SSBP2: variants seen among roughly 807,000 people sequenced by gnomAD.
SSBP2 encodes single stranded DNA binding protein 2.
SSBP2 carries 17 observed loss-of-function variants against 61.8 expected under a neutral mutation model. The observed-to-expected ratio is 0.28, with a 90% CI of 0.19 to 0.41. The LOEUF is 0.41. Among genes scored for constraint, SSBP2 ranks in the 10% least tolerant of loss-of-function variants. The probability of loss-of-function intolerance (pLI) is 1.00; values close to 1 mark genes in which losing one functional copy is unlikely to be tolerated. For synonymous variants in SSBP2, 139 were observed against 141.3 expected, an observed-to-expected ratio of 0.98 and a Z score of 0.12; for missense variants, 310 against 458.7, an observed-to-expected ratio of 0.68 and a Z score of 2.96.
intron 1 of SSBP2, among the ~76,000 whole-genome samples, chr5:81,742,970 G>A (rs1362684145): frequency 6.6e-6 from 1 of 152,104 alleles, no homozygotes; most frequent in East Asian, 1.9e-4. Context: ...AATCTAGAAG[G>A]TTTAGGAGAA....
At chr5:81,560,770 CATT>C (rs1437499221) in intron 4 of SSBP2, among the ~76,000 whole-genome samples, 1 of 152,054 alleles carries the variant, frequency 6.6e-6, no homozygotes, top group Admixed American at 6.5e-5. Context: ...TGACAATAAA[CATT>C]GTATATATTT....
intron 9 of SSBP2, among the ~76,000 whole-genome samples, chr5:81,462,575 T>C (rs1429007428): frequency 1.3e-5 from 2 of 152,120 alleles, no homozygotes; most frequent in Admixed American, 6.5e-5. Context: ...TCTTTGGAAA[T>C]TGTTGCCTCT....
In SSBP2 at chr5:81,422,292, T is replaced by C. The variant is rs867129437; in HGVS notation, c.1057-1759A>G. The stretch of plus-strand genomic sequence containing the variant: ...CGGCTGCAGAAATCAGAAAGACATA[T>C]AGGTGTGTACTGATGTATGGATGGA... On this transcript the variant is annotated intron_variant, in intron 16 of 16. Coordinates refer to ENST00000320672, the MANE Select transcript of SSBP2 (RefSeq NM_012446.5). Among the ~76,000 whole-genome samples, 4 of 152,068 alleles carry C rather than the reference T, an allele frequency of 2.6e-5. No individual in the cohort carries two copies. In the South Asian group the frequency reaches 8.3e-4, roughly 32 times the overall value.
intron 4 of SSBP2, among the ~76,000 whole-genome samples, chr5:81,559,724 C>T (rs1441519280): frequency 6.6e-6 from 1 of 151,872 alleles, no homozygotes; most frequent in East Asian, 1.9e-4. Flanking sequence ...CATATGACTA[C>T]AGTAATAATT....
Position 81,440,271 on chromosome 5 carries a change from C to T in SSBP2, c.928+287G>A, listed in dbSNP as rs114871342. On this transcript the variant is annotated intron_variant, in intron 14 of 16. Coordinates refer to ENST00000320672, the MANE Select transcript of SSBP2 (RefSeq NM_012446.5). ...CCTTCTGGGTTGGGCAAGCATGACA[C>T]GTGCCCACAGCAGCAATGTCTCCTT... Among the ~76,000 whole-genome samples the T allele has an allele frequency of 5.2e-3, 790 of 152,232 alleles. 2 individuals are homozygous for T. Among genetic ancestry groups the T allele is most frequent in the African/African-American group, 0.018 (733 of 41,536 alleles).
chr5:81,503,250 C>G (rs1767929593), intron 5 of SSBP2, among the ~76,000 whole-genome samples: 1 of 152,060 alleles, frequency 6.6e-6, no homozygotes, highest in African/African-American at 2.4e-5. Flanking sequence ...GTCAGGAGAT[C>G]AAGACCAACC....
At chr5:81,627,862 G>A (rs1581202487) in intron 3 of SSBP2, among the ~76,000 whole-genome samples, 5 of 152,130 alleles carry the variant, frequency 3.3e-5, no homozygotes, top group Admixed American at 3.3e-4. Flanking sequence ...AGGAGTTTGA[G>A]ACCAGCCTGA....
At chr5:81,444,396 T>C (rs190594106) in intron 12 of SSBP2, among the ~76,000 whole-genome samples, 2 of 152,202 alleles carry the variant, frequency 1.3e-5, no homozygotes, top group Non-Finnish European at 2.9e-5. Context: ...TGTTATGTCT[T>C]CCATGAGGTT....
chr5:81,589,487 T>C (rs1357243481), intron 4 of SSBP2, among the ~76,000 whole-genome samples: 4 of 152,240 alleles, frequency 2.6e-5, no homozygotes, highest in Non-Finnish European at 5.9e-5. Flanking sequence ...GTGAAAATAT[T>C]TTTTTAAAAA....
intron 4 of SSBP2, among the ~76,000 whole-genome samples, chr5:81,527,417 G>T (rs1770028622): frequency 6.6e-6 from 1 of 151,970 alleles, no homozygotes; most frequent in Non-Finnish European, 1.5e-5. Context: ...GGGTTAGGAA[G>T]CAGGATTATC....
At chr5:81,509,674 G>A (rs561009352) in intron 5 of SSBP2, among the ~76,000 whole-genome samples, 2 of 152,050 alleles carry the variant, frequency 1.3e-5, no homozygotes, top group Middle Eastern at 3.4e-3. Context: ...GTTGAATAGA[G>A]GAAAAAAGTA....
intron 6 of SSBP2, among the ~76,000 whole-genome samples, chr5:81,478,079 T>C (rs1263012890): frequency 6.6e-6 from 1 of 152,118 alleles, no homozygotes; most frequent in African/African-American, 2.4e-5. Flanking sequence ...AAATAAATGA[T>C]GTAGGAGGAG....
At chr5:81,501,212 AATATATATATATATATATATATAT>A (rs1167504052) in intron 5 of SSBP2, among the ~76,000 whole-genome samples, 556 of 28,832 alleles carry the variant, frequency 0.019, 49 homozygotes, top group South Asian at 0.12. Flanking sequence ...CTCCATCTCA[AATATATATATATATATATATATAT>A]ATATATATAT....
chr5:81,472,473 C>A (rs1765312338), intron 8 of SSBP2, among the ~76,000 whole-genome samples: 1 of 152,160 alleles, frequency 6.6e-6, no homozygotes, highest in Non-Finnish European at 1.5e-5. Flanking sequence ...TGGTTTTCTA[C>A]TGTTTTCCCA....
intron 3 of SSBP2, among the ~76,000 whole-genome samples, chr5:81,616,898 G>C (rs1188317417): frequency 6.6e-6 from 1 of 151,822 alleles, no homozygotes; most frequent in East Asian, 1.9e-4. Flanking sequence ...GGTCCTGTCT[G>C]TTAGAAGGAA....
At chr5:81,592,411 G>A (rs910383159) in intron 4 of SSBP2, among the ~76,000 whole-genome samples, 1 of 152,202 alleles carries the variant, frequency 6.6e-6, no homozygotes, top group Non-Finnish European at 1.5e-5. Flanking sequence ...TCCACCTCTG[G>A]GGGCAGGGCA....
At chr5:81,501,070 C>T (rs987734003) in intron 5 of SSBP2, among the ~76,000 whole-genome samples, 2 of 148,782 alleles carry the variant, frequency 1.3e-5, no homozygotes, top group East Asian at 2.0e-4. Flanking sequence ...AAAAATTAGC[C>T]GGGTGTGGTG....
chr5:81,598,904 G>A (rs1744058402), intron 4 of SSBP2, among the ~76,000 whole-genome samples: 1 of 152,086 alleles, frequency 6.6e-6, no homozygotes, highest in African/African-American at 2.4e-5. Context: ...TTCCCTCTGG[G>A]CTAGACCCCA....
intron 14 of SSBP2, 142 bp downstream of exon 14, chr5:81,440,416 A>ATT (rs1210625268): frequency 1.6e-5 from 10 of 611,558 alleles, no homozygotes; most frequent in African/African-American, 3.8e-5. Context: ...AATGTCAATT[A>ATT]AACTATCTGT....
Sources: gnomAD v4.1 joint callset for allele counts (sites outside exome capture counted in the v4.1 genomes callset) on GRCh38, gnomAD v4.1.1 for gene constraint, MANE v1.5 for transcripts, NCBI Gene and HGNC (gene_info 2026-07-23, HGNC 2026-07-21) for gene names.